SHANK2: variants seen among roughly 807,000 people sequenced by gnomAD.
SHANK2 encodes the protein SH3 and multiple ankyrin repeat domains 2.
SHANK2 carries 43 observed loss-of-function variants against 133.7 expected under a neutral mutation model. The ratio of observed to expected loss-of-function variants is 0.32; its 90% confidence interval spans 0.25 to 0.41. SHANK2 has a LOEUF of 0.41. SHANK2 is among the 10% of genes least tolerant of loss of function. The probability of loss-of-function intolerance (pLI) is 1.00; values close to 1 mark genes in which losing one functional copy is unlikely to be tolerated. For missense variants in SHANK2, 1,994 were observed against 2,235.8 expected (o/e 0.89, Z 2.18); for synonymous variants, 1,017 against 952.8 (o/e 1.07, Z -1.24).
chr11:70,507,385 G>A (rs374699516), intron 17 of SHANK2, among the ~76,000 whole-genome samples: 1 of 152,146 alleles, frequency 6.6e-6, no homozygotes, highest in Non-Finnish European at 1.5e-5. Flanking sequence ...TATTTCCTAC[G>A]GGAGCCACAG....
chr11:71,130,846 T>C (rs1403260651), intron 3 of SHANK2, among the ~76,000 whole-genome samples: 1 of 152,148 alleles, frequency 6.6e-6, no homozygotes, highest in Non-Finnish European at 1.5e-5. Context: ...CCGGGGACGA[T>C]CAAGATGCCA....
At chr11:70,951,059 C>T (rs1565425265) in intron 10 of SHANK2, 5 of 300,856 alleles carry the variant, frequency 1.7e-5, no homozygotes, top group Non-Finnish European at 3.2e-5. Context: ...CAGTGATTAG[C>T]CCCATTTCAA....
In SHANK2 at chr11:70,747,974, AGAG is replaced by A. The variant is rs1946678661; in HGVS notation, c.1778-49214_1778-49212del. ...ACAATAATAAATATTAGACGAAAAA[AGAG>A]GAGAGGGAAGGAGGCAGGAGACTGC... On this transcript the variant is annotated intron_variant, in intron 14 of 25. Transcript: ENST00000601538. Among the ~76,000 whole-genome samples the A allele has an allele frequency of 2.0e-5, 3 of 152,324 alleles. No homozygotes were observed. In the South Asian group the frequency reaches 6.2e-4, roughly 32 times the overall value.
chr11:70,603,136 G>A (rs1411636466), intron 17 of SHANK2, among the ~76,000 whole-genome samples: 1 of 152,262 alleles, frequency 6.6e-6, no homozygotes. Flanking sequence ...ACCCCTCACA[G>A]CCCTACTGGC....
At chr11:71,163,405 G>T (rs546265633) in intron 2 of SHANK2, among the ~76,000 whole-genome samples, 2 of 152,360 alleles carry the variant, frequency 1.3e-5, no homozygotes, top group Admixed American at 1.3e-4. Context: ...AAGCTGGACA[G>T]ATGTGCTTGT....
intron 17 of SHANK2, among the ~76,000 whole-genome samples, chr11:70,578,861 GC>G (rs2136214936): frequency 6.6e-6 from 1 of 152,284 alleles, no homozygotes; most frequent in African/African-American, 2.4e-5. Context: ...GATGCAATGA[GC>G]CCAGAGACCA....
intron 17 of SHANK2, among the ~76,000 whole-genome samples, chr11:70,537,730 C>G (rs904900228): frequency 6.6e-6 from 1 of 152,244 alleles, no homozygotes; most frequent in Middle Eastern, 3.2e-3. Flanking sequence ...AAGAAATAGG[C>G]GGCTGGGCCC....
chr11:70,705,118 T>A (rs1406876767), intron 14 of SHANK2: 3 of 152,242 alleles, frequency 2.0e-5, no homozygotes, highest in Non-Finnish European at 4.4e-5. Context: ...AAAGAAACTT[T>A]TGTTGTTCCA....
At chr11:71,106,502 G>C (rs1174779496) in intron 6 of SHANK2, among the ~76,000 whole-genome samples, 1 of 152,188 alleles carries the variant, frequency 6.6e-6, no homozygotes, top group Non-Finnish European at 1.5e-5. Flanking sequence ...ACATTCATAA[G>C]GTAACTCTGT....
chr11:70,650,419 CA>C (rs2061326204), intron 17 of SHANK2, among the ~76,000 whole-genome samples: 1 of 152,162 alleles, frequency 6.6e-6, no homozygotes, highest in Admixed American at 6.5e-5. Flanking sequence ...AGGCTGCATC[CA>C]ATCCTCCCAG....
intron 2 of SHANK2, among the ~76,000 whole-genome samples, chr11:71,207,221 C>T (rs1342765182): frequency 3.7e-5 from 5 of 133,736 alleles, no homozygotes; most frequent in African/African-American, 1.4e-4. Context: ...ACTCTATCAA[C>T]CAGGCTGGAG....
chr11:70,756,069 G>A (rs1162394080), intron 14 of SHANK2, among the ~76,000 whole-genome samples: 2 of 152,054 alleles, frequency 1.3e-5, no homozygotes, highest in Non-Finnish European at 2.9e-5. Flanking sequence ...CTCTGAGCTC[G>A]TTTCCTCACT....
At chr11:70,942,123 GT>G (rs1225988177) in intron 10 of SHANK2, among the ~76,000 whole-genome samples, 2 of 152,132 alleles carry the variant, frequency 1.3e-5, no homozygotes, top group Admixed American at 1.3e-4. Flanking sequence ...GGAGGCGGAG[GT>G]TGCGGTGAAC....
intron 14 of SHANK2, among the ~76,000 whole-genome samples, chr11:70,747,613 C>T (rs1472235554): frequency 6.6e-6 from 1 of 152,202 alleles, no homozygotes; most frequent in East Asian, 1.9e-4. Context: ...TTGGGTGGGG[C>T]TGACCTGGCC....
chr11:71,115,339 G>A lies in SHANK2; in HGVS notation c.412-1975C>T, dbSNP rs147401605. On this transcript the variant is annotated intron_variant, in intron 4 of 25. Coordinates refer to ENST00000601538, the MANE Select transcript of SHANK2 (RefSeq NM_012309.5). ...CAAAAATTAGCTGGGCGTGGTGGTG[G>A]GCACCTGTAATCCTAGCTATTCAGG... 9.4e-3 allele frequency among the ~76,000 whole-genome samples: 1,427 copies of A among 152,102 alleles called. 24 individuals carry two copies. The highest frequency in any genetic ancestry group is 0.033 in the African/African-American group (1,364 of 41,450).
At chr11:70,767,438 G>A (rs111329128) in intron 14 of SHANK2, among the ~76,000 whole-genome samples, 44 of 152,146 alleles carry the variant, frequency 2.9e-4, no homozygotes, top group Non-Finnish European at 4.7e-4. Context: ...GATGCAGCCC[G>A]AAGGGTGGGA....
rs781828488 is a variant in SHANK2, at chr11:70,487,263, C to T, written c.3030G>A (p.Lys1010=). 9 of 1,614,122 alleles carry T rather than the reference C, an allele frequency of 5.6e-6. No individual in the cohort carries two copies. The highest frequency in any genetic ancestry group is 1.7e-5 in the Admixed American group (1 of 60,010). The part of the protein sequence containing the change: ...VYVPAKPARR[K]GMLVKQSNVE... ...CGTTGGACTGCTTCACCAGCATCCC[C>T]TTCCGCCTGGCGGGCTTGGCGGGGA... is the stretch of plus-strand genomic sequence containing the variant. Residue 1010 remains lysine, a synonymous_variant, in exon 25 of 26, where the codon AAG becomes AAA. Coordinates refer to ENST00000601538, the MANE Select transcript of SHANK2 (RefSeq NM_012309.5). This position sits in a 1 kb window ranked among gnomAD's most constrained non-coding sequence, Gnocchi z 5.8.
intron 2 of SHANK2, among the ~76,000 whole-genome samples, chr11:71,180,973 A>G (rs1336282266): frequency 6.6e-6 from 1 of 151,756 alleles, no homozygotes; most frequent in Non-Finnish European, 1.5e-5. Context: ...AATCAGCCTT[A>G]CCTCTGCTTG....
intron 16 of SHANK2, among the ~76,000 whole-genome samples, chr11:70,660,425 G>A (rs2061467484): frequency 6.6e-6 from 1 of 152,230 alleles, no homozygotes; most frequent in African/African-American, 2.4e-5. Context: ...CCAGTGGGTG[G>A]CTACAGATTT....
Sources: allele counts gnomAD v4.1 joint callset (sites outside exome capture counted in the v4.1 genomes callset), GRCh38; gene constraint gnomAD v4.1.1; non-coding constraint Gnocchi (gnomAD v3.1); transcripts MANE v1.5; gene names NCBI Gene and HGNC (gene_info 2026-07-23, HGNC 2026-07-21).